Variants in CD33 observed in about 807,000 individuals in gnomAD.
CD33 encodes the protein CD33 molecule.
In CD33, 25 loss-of-function variants were observed where a neutral mutation model predicts 31.4. The observed-to-expected ratio is 0.80, with a 90% CI of 0.58 to 1.11. The LOEUF (loss-of-function observed/expected upper bound fraction) is 1.11. CD33 is among the 50% of genes most tolerant of loss of function. CD33 has a pLI of 0.00. For missense variants in CD33, 407 were observed against 448.1 expected (o/e 0.91, Z 0.83); for synonymous variants, 176 against 180.6 (o/e 0.97, Z 0.20).
intron 6 of CD33, 104 bp from the exon 7 acceptor site, chr19:51,239,414 T>A (rs976089510): frequency 1.3e-6 from 1 of 777,676 alleles, no homozygotes. Context: ...AAAGAGTGAA[T>A]AAATGTTCTG....
chr19:51,227,857 A>G (rs1462722369), intron 4 of CD33, among the ~76,000 whole-genome samples: 1 of 152,114 alleles, frequency 6.6e-6, no homozygotes, highest in Non-Finnish European at 1.5e-5. Context: ...TTTGTGTCTT[A>G]TATTCAGGTC....
At chr19:51,211,777 C>A in the CD33 span, 1 of 802,354 alleles carries the variant, frequency 1.2e-6, no homozygotes, top group Non-Finnish European at 2.1e-6. Flanking sequence ...TCCTGCATCC[C>A]CGTTTCCTCA....
chr19:51,239,337 T>C (rs930377236), intron 6 of CD33, 181 bp from the exon 7 acceptor site: 6 of 467,088 alleles, frequency 1.3e-5, no homozygotes, highest in Admixed American at 1.3e-4. Flanking sequence ...AATCAATCAA[T>C]ACGTGCTACA....
upstream of CD33, among the ~76,000 whole-genome samples, chr19:51,223,250 T>C (rs373202073): frequency 1.3e-5 from 2 of 152,142 alleles, no homozygotes; most frequent in East Asian, 3.9e-4. Context: ...TATTGAATTT[T>C]CTATTACGTG....
At chr19:51,236,148 A>T in intron 6 of CD33, 1 of 368,378 alleles carries the variant, frequency 2.7e-6, no homozygotes, top group Non-Finnish European at 5.1e-6. Context: ...ACAGAGAGAG[A>T]CTCTGTCCCA....
chr19:51,235,939 A>G (rs1292703767), intron 6 of CD33: 4 of 697,798 alleles, frequency 5.7e-6, no homozygotes, highest in Admixed American at 2.0e-5. Flanking sequence ...CGGGCGGATC[A>G]CGAGGTCAGG....
rs1189281183 is a variant in CD33 at position 51,225,440 on chromosome 19, A to G, written c.260A>G (p.Gln87Arg). ...KLDQEVQEETQGRFRLLGDPS... is the reference protein window; with the variant it reads ...KLDQEVQEETRGRFRLLGDPS... ...GATCAAGAAGTACAGGAGGAGACTCAGGGCAGATTCCGCCTCCTTGGGGAT... is the reference window on the plus strand; with the variant it reads ...GATCAAGAAGTACAGGAGGAGACTCGGGGCAGATTCCGCCTCCTTGGGGAT... Residue 87 changes from glutamine to arginine, a missense_variant, in exon 2 of 7, where the codon CAG (glutamine) becomes CGG (arginine). By Grantham distance (43) the Gln-to-Arg change is conservative. Transcript: ENST00000262262. 1 of 1,614,170 alleles carries G rather than the reference A, an allele frequency of 6.2e-7. No individual in the cohort carries two copies. The highest frequency in any genetic ancestry group is 1.1e-5 in the South Asian group (1 of 91,088).
chr19:51,213,038 G>A, the CD33 span, among the ~76,000 whole-genome samples: 6 of 152,176 alleles, frequency 3.9e-5, no homozygotes, highest in Non-Finnish European at 7.3e-5. Context: ...TGTGGGACCT[G>A]TTCCTAAACG....
chr19:51,215,402 C>T, the CD33 span, among the ~76,000 whole-genome samples: 563 of 152,258 alleles, frequency 3.7e-3, 3 homozygotes, highest in Middle Eastern at 6.8e-3. Flanking sequence ...CCCTTTGCAG[C>T]GCACAGGGAG....
Position 51,225,127 on chromosome 19 carries a change from G to T in CD33, c.9G>T (p.Leu3=). 6.2e-7 allele frequency: 1 copy of T among 1,613,994 alleles called. No individual in the cohort carries two copies. The highest frequency in any genetic ancestry group is 1.3e-5 in the African/African-American group (1 of 75,064). The change falls in exon 1 of 7, where the codon CTG becomes CTT. Residue 3 remains leucine, a synonymous_variant. Coordinates refer to ENST00000262262, the MANE Select transcript of CD33 (RefSeq NM_001772.4). The part of the protein sequence containing the change: MP[L]LLLLPLLWAG... ...AAGCTGCTTCCTCAGACATGCCGCT[G>T]CTGCTACTGCTGCCCCTGCTGTGGG...
In CD33 at chr19:51,232,699, G is replaced by A. The variant is rs375546908; in HGVS notation, c.746-2458G>A. ...GCCTGTTGTTGAAGCTCTCGATTGC[G>A]GTTTTTTATTTCATTTATTGAGTTC... On this transcript the variant is annotated intron_variant, in intron 4 of 6. Transcript: ENST00000262262. Among the ~76,000 whole-genome samples the A allele has an allele frequency of 1.8e-4, 28 of 152,112 alleles. 1 individual carries two copies. Among genetic ancestry groups the A allele is most frequent in the South Asian group, 2.1e-4 (1 of 4,814 alleles).
upstream of CD33, among the ~76,000 whole-genome samples, chr19:51,224,071 A>C (rs1017118253): frequency 1.3e-5 from 2 of 152,126 alleles, no homozygotes; most frequent in Non-Finnish European, 2.9e-5. Flanking sequence ...GACAGATTTT[A>C]GAGAAAACAA....
rs771088904 is a variant in CD33, at chr19:51,239,557, A to C, written c.964A>C (p.Thr322Pro). The change falls in exon 7 of 7, where the codon ACC becomes CCC. Residue 322 changes from threonine (T) to proline (P), a missense_variant. By Grantham distance (38) the Thr-to-Pro change is conservative (BLOSUM62 -1). Transcript: ENST00000262262. ...GTCCAAGTTACATGGCCCCACTGAA[A>C]CCTCAAGCTGTTCAGGTGCCGCCCC... ...KKSKLHGPTE[T>P]SSCSGAAPTV... The C allele has an allele frequency of 1.1e-5, 17 of 1,611,948 alleles. No homozygotes were observed. The highest frequency in any genetic ancestry group is 1.4e-5 in the Non-Finnish European group (17 of 1,179,122).
the CD33 span, among the ~76,000 whole-genome samples, chr19:51,217,415 T>G: frequency 1.7e-4 from 23 of 138,756 alleles, no homozygotes; most frequent in Non-Finnish European, 2.9e-4. Context: ...TGTTGTTTTG[T>G]TTTTTTTTTT....
Position 51,225,969 on chromosome 19 carries a change from G to C in CD33, c.585G>C (p.Ser195=). 1 of 1,614,036 alleles carries C rather than the reference G, an allele frequency of 6.2e-7. No homozygotes were observed. Among genetic ancestry groups the C allele is most frequent in the Non-Finnish European group, 8.5e-7 (1 of 1,180,016 alleles). The change falls in exon 3 of 7, where the codon TCG becomes TCC. Residue 195 remains serine, a synonymous_variant. Coordinates refer to ENST00000262262, the MANE Select transcript of CD33 (RefSeq NM_001772.4). The part of the protein sequence containing the change: ...TSLGPRTTHS[S]VLIITPRPQD... ...TGGGCCCCAGGACTACTCACTCCTC[G>C]GTGCTCATAATCACCCCACGGCCCC... is the stretch of plus-strand genomic sequence containing the variant.
At chr19:51,235,433 C>A in intron 5 of CD33, 162 bp from the exon 6 acceptor site, 1 of 1,358,066 alleles carries the variant, frequency 7.4e-7, no homozygotes, top group Non-Finnish European at 9.9e-7. Flanking sequence ...TCTCAGATGT[C>A]CAAGGAGTGG....
At chr19:51,230,119 T>C (rs1449733261) in intron 4 of CD33, among the ~76,000 whole-genome samples, 1 of 152,230 alleles carries the variant, frequency 6.6e-6, no homozygotes, top group African/African-American at 2.4e-5. Flanking sequence ...AATTTCTTCC[T>C]TCACTATTGG....
chr19:51,234,753 C>T (rs1981657378), intron 4 of CD33, among the ~76,000 whole-genome samples: 1 of 152,274 alleles, frequency 6.6e-6, no homozygotes, highest in East Asian at 1.9e-4. Context: ...AAAAGGACCA[C>T]CTTTGACCCT....
chr19:51,213,323 A>G, the CD33 span, among the ~76,000 whole-genome samples: 1 of 151,916 alleles, frequency 6.6e-6, no homozygotes, highest in East Asian at 1.9e-4. Context: ...AATGCTCACA[A>G]TGTTCTTTAA....
Sources: allele counts gnomAD v4.1 joint callset (sites outside exome capture counted in the v4.1 genomes callset), GRCh38; gene constraint gnomAD v4.1.1; transcripts MANE v1.5; gene names NCBI Gene and HGNC (gene_info 2026-07-23, HGNC 2026-07-21).